The following CDK17 variants were observed in gnomAD, a reference collection of about 807,000 sequenced individuals.
The protein encoded by CDK17 is cyclin dependent kinase 17, also known as cyclin-dependent kinase 17.
In CDK17, 24 loss-of-function variants were observed where a neutral mutation model predicts 77.6. That is an observed-to-expected ratio of 0.31 (90% CI 0.22 to 0.44). The LOEUF (loss-of-function observed/expected upper bound fraction) is 0.44. CDK17 is among the 20% of genes least tolerant of loss of function. The probability of loss-of-function intolerance (pLI) is 1.00; values close to 1 mark genes in which losing one functional copy is unlikely to be tolerated. For missense variants in CDK17, 429 were observed against 622.5 expected (o/e 0.69, Z 3.31); for synonymous variants, 203 against 210.4 (o/e 0.96, Z 0.30).
In CDK17 at chr12:96,365,207, T is replaced by G. The variant is rs901728679; in HGVS notation, c.-29-30342A>C. 1.4e-3 allele frequency among the ~76,000 whole-genome samples: 219 copies of G among 152,194 alleles called. 1 individual carries two copies. Among genetic ancestry groups the G allele is most frequent in the Non-Finnish European group, 2.6e-3 (179 of 68,028 alleles). ...TTCCCTATGCCAATCATTAAAATAA[T>G]TATTCCACAAAGTTGATAATTCATT... On this transcript the variant is annotated intron_variant, in intron 1 of 16. Coordinates refer to ENST00000261211, the MANE Select transcript of CDK17 (RefSeq NM_002595.5).
intron 1 of CDK17, among the ~76,000 whole-genome samples, chr12:96,381,153 C>T (rs970476063): frequency 6.6e-6 from 1 of 152,132 alleles, no homozygotes; most frequent in Non-Finnish European, 1.5e-5. Context: ...TATCAAGATG[C>T]TCTCTAAGCC....
intron 3 of CDK17, among the ~76,000 whole-genome samples, chr12:96,316,687 G>A (rs1952727175): frequency 1.6e-5 from 2 of 127,102 alleles, no homozygotes; most frequent in African/African-American, 5.9e-5. Context: ...GCACCCCCCA[G>A]CAGGGGCACA....
intron 1 of CDK17, among the ~76,000 whole-genome samples, chr12:96,365,167 T>A (rs984499451): frequency 2.0e-5 from 3 of 152,228 alleles, no homozygotes; most frequent in Admixed American, 2.0e-4. Flanking sequence ...AGATATTTGA[T>A]AATGGTACAT....
At chr12:96,353,967 T>C (rs904297038) in intron 1 of CDK17, among the ~76,000 whole-genome samples, 3 of 152,068 alleles carry the variant, frequency 2.0e-5, no homozygotes, top group African/African-American at 7.2e-5. Context: ...TAAAACCAAC[T>C]GAAGCCAGAA....
intron 6 of CDK17, among the ~76,000 whole-genome samples, chr12:96,299,684 C>T (rs1209304563): frequency 6.6e-6 from 1 of 152,162 alleles, no homozygotes; most frequent in Non-Finnish European, 1.5e-5. Context: ...CCACCGCGCC[C>T]GGCAATCATA....
At chr12:96,291,793 A>G (rs1056073978) in intron 10 of CDK17, among the ~76,000 whole-genome samples, 4 of 151,906 alleles carry the variant, frequency 2.6e-5, no homozygotes, top group African/African-American at 9.7e-5. Context: ...TAACTTTTCT[A>G]TTTTGAGTAG....
At chr12:96,318,141 T>C (rs962927653) in intron 3 of CDK17, among the ~76,000 whole-genome samples, 7 of 148,620 alleles carry the variant, frequency 4.7e-5, no homozygotes, top group Admixed American at 2.0e-4. Context: ...AAAGCAGGGG[T>C]TGCAATCCTA....
rs185729994 is a variant in CDK17 at position 96,347,526 on chromosome 12, C to G, written c.-29-12661G>C. On this transcript the variant is annotated intron_variant, in intron 1 of 16. Transcript: ENST00000261211. ...AGTTGAAGTGAGCCAGGATCACACTCCAGCCTGGACGACAGAGTGAGACTC... is the reference window on the plus strand; with the variant it reads ...AGTTGAAGTGAGCCAGGATCACACTGCAGCCTGGACGACAGAGTGAGACTC... Among the ~76,000 whole-genome samples, 1,016 of 146,864 alleles carry G rather than the reference C, an allele frequency of 6.9e-3. 7 individuals carry two copies. The highest frequency in any genetic ancestry group is 0.024 in the African/African-American group (960 of 39,564).
rs199873708 is a variant in CDK17 at position 96,283,618 on chromosome 12, T to C, written c.1350A>G (p.Ile450Met). The C allele has an allele frequency of 1.9e-5, 30 of 1,600,418 alleles. No homozygotes were observed. Among genetic ancestry groups the C allele is most frequent in the Non-Finnish European group, 1.1e-5 (13 of 1,168,776 alleles). Residue 450 changes from isoleucine (I) to methionine (M), a missense_variant, in exon 14 of 17, where the codon ATA becomes ATG. Physicochemically the swap from Ile to Met is conservative, Grantham distance 10 (BLOSUM62 1). Transcript: ENST00000261211. Reference protein sequence around the residue: ...PRLDSEGIELITKFLQYESKK... With the variant: ...PRLDSEGIELMTKFLQYESKK... ...ACTGACTTACCTGAAGAAATTTTGT[T>C]ATCAACTCAATTCCTTCAGAGTCTA...
rs939755693 is a variant in CDK17, at chr12:96,400,437, A to C, written c.-481T>G. Reference sequence around the variant, plus strand: ...TCGCTTTCACACTCGGCGGCTGCGGATTGACGCCTCCGCCTGTTCCCCGGA... The same window carrying C: ...TCGCTTTCACACTCGGCGGCTGCGGCTTGACGCCTCCGCCTGTTCCCCGGA... On this transcript the variant is annotated 5_prime_UTR_variant, in exon 1 of 17. Coordinates refer to ENST00000261211, the MANE Select transcript of CDK17 (RefSeq NM_002595.5). 8 of 378,084 alleles carry C rather than the reference A, an allele frequency of 2.1e-5. No homozygotes were observed. Among genetic ancestry groups the C allele is most frequent in the African/African-American group, 1.0e-4 (5 of 47,674 alleles). The allele number at this position is 378,084 out of a possible 1,614,324, so 23.4% of individuals were successfully genotyped here.
At chr12:96,334,234 C>G (rs951658039) in intron 2 of CDK17, among the ~76,000 whole-genome samples, 15 of 152,312 alleles carry the variant, frequency 9.8e-5, no homozygotes, top group African/African-American at 3.6e-4. Context: ...ATTTAACACA[C>G]TTAACAAGCT....
chr12:96,351,930 C>G (rs1416150034), intron 1 of CDK17, among the ~76,000 whole-genome samples: 1 of 152,032 alleles, frequency 6.6e-6, no homozygotes, highest in Non-Finnish European at 1.5e-5. Flanking sequence ...AAGAATGAGC[C>G]AGACAAACTA....
chr12:96,349,581 T>C lies in CDK17; in HGVS notation c.-29-14716A>G, dbSNP rs1221185185. ...TTTTACAAAATTCAACACCCTTTCA[T>C]GATAAAATCACTCAATAAACAAAAG... is the stretch of plus-strand genomic sequence containing the variant. On this transcript the variant is annotated intron_variant, in intron 1 of 16. Transcript: ENST00000261211. Among the ~76,000 whole-genome samples, 5 of 147,358 alleles carry C rather than the reference T, an allele frequency of 3.4e-5. No individual in the cohort carries two copies. In the East Asian group the frequency reaches 9.8e-4, roughly 29 times the overall value.
In CDK17 at chr12:96,389,888, G is replaced by A. The variant is rs143140992; in HGVS notation, c.-30+10098C>T. 1.7e-3 allele frequency among the ~76,000 whole-genome samples: 257 copies of A among 150,674 alleles called. 2 individuals carry two copies. The highest frequency in any genetic ancestry group is 6.0e-3 in the African/African-American group (246 of 40,958). On this transcript the variant is annotated intron_variant, in intron 1 of 16. Coordinates refer to ENST00000261211, the MANE Select transcript of CDK17 (RefSeq NM_002595.5). ...CTCTGTCACCAGGCTGGAGTGCAGCGGTGTGATCTTGGCTCACTGCAATTT... is the reference window on the plus strand; with the variant it reads ...CTCTGTCACCAGGCTGGAGTGCAGCAGTGTGATCTTGGCTCACTGCAATTT...
At chr12:96,346,813 G>A (rs778740618) in intron 1 of CDK17, among the ~76,000 whole-genome samples, 33 of 151,860 alleles carry the variant, frequency 2.2e-4, no homozygotes, top group African/African-American at 4.8e-5. Flanking sequence ...TACTCAGGAG[G>A]CTGAAGCAGA....
rs368598818 is a variant in CDK17 at position 96,334,781 on chromosome 12, T to C, written c.56A>G (p.Asp19Gly). ...TTCAGCCAATTCAGACAATGATTCA[T>C]CAATAGTCTGACTTCCTCGGAGTGT... is the stretch of plus-strand genomic sequence containing the variant. Reference protein sequence around the residue: ...SLTLRGSQTIDESLSELAEQM... With the variant: ...SLTLRGSQTIGESLSELAEQM... The change falls in exon 2 of 17, where the codon GAT becomes GGT. Residue 19 changes from aspartate (D) to glycine (G), a missense_variant. Coordinates refer to ENST00000261211, the MANE Select transcript of CDK17 (RefSeq NM_002595.5). 3 of 1,612,358 alleles carry C rather than the reference T, an allele frequency of 1.9e-6. No homozygotes were observed. The highest frequency in any genetic ancestry group is 2.5e-6 in the Non-Finnish European group (3 of 1,178,696).
chr12:96,289,620 C>T (rs1419386278), intron 10 of CDK17, among the ~76,000 whole-genome samples: 1 of 152,174 alleles, frequency 6.6e-6, no homozygotes, highest in Non-Finnish European at 1.5e-5. Flanking sequence ...TTCTCAGCTG[C>T]AATTAAATTA....
chr12:96,291,554 G>C (rs1054699014), intron 10 of CDK17, among the ~76,000 whole-genome samples: 2 of 151,594 alleles, frequency 1.3e-5, no homozygotes, highest in African/African-American at 2.4e-5. Context: ...GCCTTCCAAA[G>C]TGCTGGGATT....
chr12:96,386,095 C>T (rs1439060071), intron 1 of CDK17, among the ~76,000 whole-genome samples: 1 of 152,190 alleles, frequency 6.6e-6, no homozygotes, highest in Non-Finnish European at 1.5e-5. Context: ...TCACAGCTCA[C>T]TGCAGACTTT....
Sources: allele counts gnomAD v4.1 joint callset (sites outside exome capture counted in the v4.1 genomes callset), GRCh38; gene constraint gnomAD v4.1.1; transcripts MANE v1.5; gene names NCBI Gene and HGNC (gene_info 2026-07-23, HGNC 2026-07-21).